Variants in CERKL observed in about 807,000 individuals in gnomAD.
CERKL encodes the protein CERK like autophagy regulator, also known as ceramide kinase-like protein.
In CERKL, 61 loss-of-function variants were observed where a neutral mutation model predicts 63.4. That is an observed-to-expected ratio of 0.96 (90% CI 0.78 to 1.19). The LOEUF (loss-of-function observed/expected upper bound fraction) is 1.19. Among genes scored for constraint, CERKL ranks in the 50% most tolerant of loss-of-function variants. CERKL has a pLI of 0.00. For synonymous variants in CERKL, 250 were observed against 230.5 expected (o/e 1.08, Z -0.77); for missense variants, 675 against 655.5 (o/e 1.03, Z -0.33).
intron 2 of CERKL, among the ~76,000 whole-genome samples, chr2:181,590,686 T>A (rs956470878): frequency 1.3e-5 from 2 of 152,220 alleles, no homozygotes; most frequent in African/African-American, 4.8e-5. Flanking sequence ...GAAAAGATGC[T>A]GAACTTTAAT....
At chr2:181,582,632 T>C (rs1574470482) in intron 2 of CERKL, among the ~76,000 whole-genome samples, 1 of 150,698 alleles carries the variant, frequency 6.6e-6, no homozygotes, top group African/African-American at 2.4e-5. Context: ...GCCCCCTGGG[T>C]TCAAGTGATT....
chr2:181,639,983 G>C (rs1687349682), intron 1 of CERKL, among the ~76,000 whole-genome samples: 1 of 151,252 alleles, frequency 6.6e-6, no homozygotes, highest in Non-Finnish European at 1.5e-5. Context: ...AATGTACATG[G>C]GAATTCCCTG....
chr2:181,587,111 G>A (rs1406832171), intron 2 of CERKL, among the ~76,000 whole-genome samples: 1 of 152,140 alleles, frequency 6.6e-6, no homozygotes. Flanking sequence ...GTCTGAGTTA[G>A]AGATATTTTA....
Position 181,656,800 on chromosome 2 carries a change from C to G in CERKL, c.207G>C (p.Arg69=). ...CDVVLSERAL[R]WRPIQPERPA... is the part of the protein sequence containing the mutation. ...GGCGCTCGGGCTGAATGGGCCGCCA[C>G]CGCAGTGCTCGCTCGCTCAGCACCA... The change falls in exon 1 of 13, where the codon CGG becomes CGC. Residue 69 remains arginine (R), a synonymous_variant. Transcript: ENST00000410087. 1.3e-6 allele frequency: 2 copies of G among 1,596,362 alleles called. No individual in the cohort carries two copies. The highest frequency in any genetic ancestry group is 1.7e-6 in the Non-Finnish European group (2 of 1,169,200).
intron 2 of CERKL, among the ~76,000 whole-genome samples, chr2:181,597,463 G>T (rs565973576): frequency 7.2e-5 from 11 of 152,264 alleles, no homozygotes; most frequent in Non-Finnish European, 1.6e-4. Flanking sequence ...AGTTTCTAAT[G>T]GAAAACTGGG....
rs1226793718 is a variant in CERKL, at chr2:181,537,456, C to G, written c.*728G>C. Reference sequence around the variant, plus strand: ...TTACTTGTATCATGAATTTTAAAACCCTACCACTTTAAGAAGACAGGGATG... The same window carrying G: ...TTACTTGTATCATGAATTTTAAAACGCTACCACTTTAAGAAGACAGGGATG... On this transcript the variant is annotated 3_prime_UTR_variant, in exon 13 of 13. Transcript: ENST00000410087. 2.2e-6 allele frequency: 1 copy of G among 448,616 alleles called. No individual in the cohort carries two copies. The highest frequency in any genetic ancestry group is 2.4e-5 in the Admixed American group (1 of 42,290). The allele number at this position is 448,616 out of a possible 1,614,324, so 27.8% of individuals were successfully genotyped here.
At chr2:181,544,664 G>T in intron 11 of CERKL, 36 bp downstream of exon 11, 2 of 1,215,128 alleles carry the variant, frequency 1.6e-6, no homozygotes, top group Non-Finnish European at 2.4e-6. Flanking sequence ...ATGATTAATA[G>T]CTTTGCAAAT....
intron 2 of CERKL, among the ~76,000 whole-genome samples, chr2:181,598,834 A>T (rs1018447887): frequency 2.0e-5 from 3 of 152,028 alleles, no homozygotes. Flanking sequence ...AAGTTGAATG[A>T]TCACACACAA....
At chr2:181,575,517 G>C (rs1482355095) in intron 2 of CERKL, among the ~76,000 whole-genome samples, 3 of 152,194 alleles carry the variant, frequency 2.0e-5, no homozygotes, top group African/African-American at 4.8e-5. Context: ...GTGTGTGAGA[G>C]AGGGTGGTTA....
chr2:181,542,689 TAAGGCCAGTG>T (rs980333072), intron 11 of CERKL, among the ~76,000 whole-genome samples: 40 of 152,028 alleles, frequency 2.6e-4, no homozygotes, highest in African/African-American at 9.4e-4. Context: ...AAATCAGAGT[TAAGGCCAGTG>T]AATCACACAC....
At position 181,547,664 on chromosome 2, in the gene CERKL, G is replaced by A. The variant is rs1408554221; in HGVS notation, c.1222C>T (p.Pro408Ser). Residue 408 changes from proline (P) to serine (S), a missense_variant, in exon 10 of 13, where the codon CCT becomes TCT. Physicochemically the swap from Pro to Ser is moderately conservative, Grantham distance 74. Coordinates refer to ENST00000410087, the MANE Select transcript of CERKL (RefSeq NM_201548.5). ...QFLNVSIMAI[P>S]CLCSVAPRGL... ...CTAGGTGCCACTGAACACAGGCAAG[G>A]AATTGCCATAATGCTGACATTCAAG... is the stretch of plus-strand genomic sequence containing the variant. 2.5e-6 allele frequency: 4 copies of A among 1,613,984 alleles called. No homozygotes were observed. The South Asian group carries it at 4.4e-5, about 18-fold the overall frequency.
intron 1 of CERKL, chr2:181,649,668 A>C (rs1687817997): frequency 6.6e-6 from 1 of 152,200 alleles, no homozygotes; most frequent in African/African-American, 2.4e-5. Context: ...TAGGCCACAA[A>C]ACAAGTCTTA....
At chr2:181,588,131 C>T (rs1269793555) in intron 2 of CERKL, among the ~76,000 whole-genome samples, 1 of 152,026 alleles carries the variant, frequency 6.6e-6, no homozygotes, top group Non-Finnish European at 1.5e-5. Flanking sequence ...AGAAAATCTA[C>T]TCTTAACAAT....
At chr2:181,544,536 T>A (rs1687641371) in intron 11 of CERKL, among the ~76,000 whole-genome samples, 164 bp downstream of exon 11, 1 of 152,230 alleles carries the variant, frequency 6.6e-6, no homozygotes, top group South Asian at 2.1e-4. Context: ...TCCTGGCGGA[T>A]GCTTTTCAAA....
rs370116665 is a variant in CERKL, at chr2:181,618,223, C to T, written c.239-14144G>A. ...CAGACTTCACCACTAAGCAATATAT[C>T]CGTGCAACAAAATTGCACTTGTACC... is the stretch of plus-strand genomic sequence containing the variant. On this transcript the variant is annotated intron_variant, in intron 1 of 12. Transcript: ENST00000410087. Among the ~76,000 whole-genome samples, 37 of 150,966 alleles carry T rather than the reference C, an allele frequency of 2.5e-4. No individual in the cohort carries two copies. In the South Asian group the frequency reaches 7.8e-3, roughly 32 times the overall value.
At chr2:181,538,660 T>G (rs2290517) in intron 12 of CERKL, among the ~76,000 whole-genome samples, 16,133 of 152,056 alleles carry the variant, frequency 0.11, 1,209 homozygotes, top group East Asian at 0.22. Flanking sequence ...AAAGGCCTAA[T>G]AAAAGCAAAT....
At chr2:181,635,799 G>A (rs1304182358) in intron 1 of CERKL, among the ~76,000 whole-genome samples, 5 of 152,224 alleles carry the variant, frequency 3.3e-5, no homozygotes, top group African/African-American at 1.2e-4. Context: ...GCTTAAAATG[G>A]TATGAACAGC....
At chr2:181,581,406 CTACTT>C (rs1225530695) in intron 2 of CERKL, among the ~76,000 whole-genome samples, 1 of 152,190 alleles carries the variant, frequency 6.6e-6, no homozygotes, top group East Asian at 1.9e-4. Context: ...GAACTAAAAA[CTACTT>C]TAATGTCACA....
chr2:181,580,992 G>T (rs1272109130), intron 2 of CERKL, among the ~76,000 whole-genome samples: 6 of 152,038 alleles, frequency 3.9e-5, no homozygotes, highest in Admixed American at 2.0e-4. Context: ...CCCTTTCTTA[G>T]ACAAGGTACT....
Sources: allele counts gnomAD v4.1 joint callset (sites outside exome capture counted in the v4.1 genomes callset), GRCh38; gene constraint gnomAD v4.1.1; transcripts MANE v1.5; gene names NCBI Gene and HGNC (gene_info 2026-07-23, HGNC 2026-07-21).